The following MALRD1 variants were observed in gnomAD, a reference collection of about 807,000 sequenced individuals.
The protein encoded by MALRD1 is MAM and LDL receptor class A domain containing 1.
MALRD1 carries 247 observed loss-of-function variants against 242.1 expected under a neutral mutation model. That is an observed-to-expected ratio of 1.02 (90% CI 0.92 to 1.13). MALRD1 has a LOEUF of 1.13. Ranked by LOEUF, MALRD1 falls within the 50% of genes most tolerant of loss-of-function variation. MALRD1 has a pLI of 0.00. For missense variants in MALRD1, 2,989 were observed against 2,533.1 expected, an observed-to-expected ratio of 1.18 and a Z score of -3.86; for synonymous variants, 995 against 866.6, an observed-to-expected ratio of 1.15 and a Z score of -2.60.
intron 36 of MALRD1, among the ~76,000 whole-genome samples, chr10:19,632,762 A>T (rs1432110162): frequency 6.6e-6 from 1 of 152,162 alleles, no homozygotes; most frequent in Non-Finnish European, 1.5e-5. Context: ...CTCACCCAAC[A>T]ATTTTTACAT....
At chr10:19,188,681 C>T (rs1588672550) in intron 14 of MALRD1, among the ~76,000 whole-genome samples, 1 of 152,280 alleles carries the variant, frequency 6.6e-6, no homozygotes, top group South Asian at 2.1e-4. Flanking sequence ...AAGATCACTA[C>T]AGCTCAGCTG....
At chr10:19,489,150 A>T in intron 29 of MALRD1, 1 of 468,730 alleles carries the variant, frequency 2.1e-6, no homozygotes. Context: ...GAAAAGCCTA[A>T]CAGGAGGTCA....
At chr10:19,305,916 A>T (rs1173002673) in intron 21 of MALRD1, among the ~76,000 whole-genome samples, 1 of 130,470 alleles carries the variant, frequency 7.7e-6, no homozygotes, top group Non-Finnish European at 1.6e-5. Flanking sequence ...ATACTATATT[A>T]TATATTATAT....
intron 29 of MALRD1, among the ~76,000 whole-genome samples, chr10:19,453,035 G>A (rs1835414661): frequency 6.6e-6 from 1 of 151,976 alleles, no homozygotes; most frequent in African/African-American, 2.4e-5. Context: ...GAACAGTCTT[G>A]GCACATAGAA....
intron 9 of MALRD1, among the ~76,000 whole-genome samples, chr10:19,134,167 C>G (rs1588594553): frequency 6.6e-6 from 1 of 152,238 alleles, no homozygotes; most frequent in South Asian, 2.1e-4. Flanking sequence ...CACTCTCGTT[C>G]ACAGCTTCCT....
intron 19 of MALRD1, among the ~76,000 whole-genome samples, chr10:19,258,590 G>A (rs980677767): frequency 6.6e-6 from 1 of 152,142 alleles, no homozygotes; most frequent in African/African-American, 2.4e-5. Flanking sequence ...GGTCTGCGGA[G>A]CACCAGCTCC....
chr10:19,690,853 T>C (rs1285173592), intron 36 of MALRD1, among the ~76,000 whole-genome samples: 2 of 151,992 alleles, frequency 1.3e-5, no homozygotes, highest in Non-Finnish European at 2.9e-5. Flanking sequence ...TTCATATTCT[T>C]TCTCCATATG....
rs547648336 is a variant in MALRD1 at position 19,720,657 on chromosome 10, T to C, written c.6315-10049T>C. On this transcript the variant is annotated intron_variant, in intron 38 of 39. Transcript: ENST00000454679. ...CTATTTTCCTGTTCTCAGATTCCCC[T>C]TCTCCAACTTCCTACTTCGTATTTG... 2.0e-5 allele frequency among the ~76,000 whole-genome samples: 3 copies of C among 152,340 alleles called. No homozygotes were observed. The East Asian group carries it at 5.8e-4, about 29-fold the overall frequency.
intron 31 of MALRD1, among the ~76,000 whole-genome samples, chr10:19,517,817 G>GC (rs1833703370): frequency 6.6e-6 from 1 of 152,202 alleles, no homozygotes; most frequent in African/African-American, 2.4e-5. Context: ...TTCACTTGTT[G>GC]CAAGAGAGCA....
chr10:19,516,407 A>G (rs1833627977), intron 31 of MALRD1, among the ~76,000 whole-genome samples: 1 of 152,172 alleles, frequency 6.6e-6, no homozygotes, highest in Admixed American at 6.5e-5. Context: ...ATATATACAG[A>G]GAAACATTTC....
In MALRD1 at chr10:19,283,190, C is replaced by A. The variant is rs564682991; in HGVS notation, c.3419+9C>A. ...TCAGTGGATCATACACAGTAAGTGACCATGTATTTTGAATATCTCTCTTGG... is the reference window on the plus strand; with the variant it reads ...TCAGTGGATCATACACAGTAAGTGAACATGTATTTTGAATATCTCTCTTGG... On this transcript the variant is annotated intron_variant, in intron 21 of 39. Coordinates refer to ENST00000454679, the MANE Select transcript of MALRD1 (RefSeq NM_001142308.3). The A allele has an allele frequency of 5.9e-6, 9 of 1,516,678 alleles. No homozygotes were observed. In the South Asian group the frequency reaches 8.9e-5, roughly 15 times the overall value. The allele number at this position is 1,516,678 out of a possible 1,614,324, so 94.0% of individuals were successfully genotyped here.
At chr10:19,684,111 T>C (rs2131801714) in intron 36 of MALRD1, among the ~76,000 whole-genome samples, 1 of 152,318 alleles carries the variant, frequency 6.6e-6, no homozygotes, top group Non-Finnish European at 1.5e-5. Context: ...GAAAAGGACA[T>C]GAACTCATTC....
chr10:19,275,873 A>T (rs1209475348), intron 19 of MALRD1, among the ~76,000 whole-genome samples: 1 of 152,154 alleles, frequency 6.6e-6, no homozygotes, highest in Admixed American at 6.5e-5. Flanking sequence ...TTCCATAAAT[A>T]TACATAATAT....
intron 32 of MALRD1, among the ~76,000 whole-genome samples, chr10:19,552,481 G>A (rs1469885497): frequency 1.3e-5 from 2 of 151,822 alleles, no homozygotes; most frequent in Non-Finnish European, 2.9e-5. Context: ...TATTAGTCTA[G>A]CTAGCAGTCT....
At chr10:19,521,808 A>G (rs1426858209) in intron 31 of MALRD1, among the ~76,000 whole-genome samples, 2 of 152,142 alleles carry the variant, frequency 1.3e-5, no homozygotes, top group Admixed American at 6.5e-5. Context: ...TAGTATCTCC[A>G]AGTCACATAT....
intron 7 of MALRD1, among the ~76,000 whole-genome samples, chr10:19,125,292 TC>T (rs1388830100): frequency 1.3e-3 from 45 of 33,932 alleles, no homozygotes; most frequent in Admixed American, 2.4e-3. Context: ...TTTCTTTCTT[TC>T]CTTCCTTCCT....
At chr10:19,439,871 A>G (rs530744002) in intron 28 of MALRD1, among the ~76,000 whole-genome samples, 4 of 152,294 alleles carry the variant, frequency 2.6e-5, no homozygotes, top group Non-Finnish European at 4.4e-5. Context: ...CTTTGGTCGT[A>G]TACATTTTAT....
At chr10:19,065,421 G>C (rs773259918) in intron 1 of MALRD1, among the ~76,000 whole-genome samples, 1 of 152,038 alleles carries the variant, frequency 6.6e-6, no homozygotes, top group Non-Finnish European at 1.5e-5. Context: ...CATGGCACTA[G>C]TGGGAGTGTC....
At chr10:19,587,784 A>C (rs1837514335) in intron 33 of MALRD1, among the ~76,000 whole-genome samples, 1 of 151,972 alleles carries the variant, frequency 6.6e-6, no homozygotes. Flanking sequence ...CGAAGTTCCT[A>C]AATGCCAGGA....
Sources: gnomAD v4.1 joint callset for allele counts (sites outside exome capture counted in the v4.1 genomes callset) on GRCh38, gnomAD v4.1.1 for gene constraint, MANE v1.5 for transcripts, NCBI Gene and HGNC (gene_info 2026-07-23, HGNC 2026-07-21) for gene names.